Variants in FAM20A observed in about 807,000 individuals in gnomAD.
FAM20A encodes the protein FAM20A golgi associated secretory pathway pseudokinase.
A neutral mutation model predicts 52.0 loss-of-function variants in FAM20A; 42 were observed. That is an observed-to-expected ratio of 0.81 (90% CI 0.63 to 1.04). The LOEUF is 1.04. Ranked by LOEUF, FAM20A falls within the 50% of genes least tolerant of loss-of-function variation. The probability of loss-of-function intolerance (pLI) is 0.00; values close to 1 mark genes in which losing one functional copy is unlikely to be tolerated. For synonymous variants in FAM20A, 304 were observed against 298.9 expected (o/e 1.02, Z -0.18); for missense variants, 742 against 712.7 (o/e 1.04, Z -0.47).
rs758174098 is a variant in FAM20A, at chr17:68,600,692, G to T, written c.-26C>A. The T allele has an allele frequency of 9.2e-6, 14 of 1,529,030 alleles. No homozygotes were observed. The highest frequency in any genetic ancestry group is 2.5e-5 in the East Asian group (1 of 40,608). The allele number at this position is 1,529,030 out of a possible 1,614,324, so 94.7% of individuals were successfully genotyped here. On this transcript the variant is annotated 5_prime_UTR_variant, in exon 1 of 11. Transcript: ENST00000592554. This position sits in a 1 kb window ranked among gnomAD's most constrained non-coding sequence, Gnocchi z 6.2. Reference sequence around the variant, plus strand: ...GGCGTGCTGGCCAAGGGGGACGCCGGGGGCAGGCCGGCTGTCTCCGGGGTC... The same window carrying T: ...GGCGTGCTGGCCAAGGGGGACGCCGTGGGCAGGCCGGCTGTCTCCGGGGTC...
chr17:68,559,662 G>T (rs541330739), intron 1 of FAM20A, among the ~76,000 whole-genome samples: 11 of 152,162 alleles, frequency 7.2e-5, no homozygotes, highest in Non-Finnish European at 1.6e-4. Flanking sequence ...AGTAGCAAAT[G>T]CATTTACATG....
chr17:68,537,241 A>ATG lies in FAM20A; in HGVS notation c.*234_*235dup. The ATG allele has an allele frequency of 1.5e-6, 1 of 676,472 alleles. No homozygotes were observed. The highest frequency in any genetic ancestry group is 2.7e-6 in the Non-Finnish European group (1 of 373,040). The allele number at this position is 676,472 out of a possible 1,614,324, so 41.9% of individuals were successfully genotyped here. A position where few individuals can be genotyped will look rare whatever the true frequency, so the allele number is the denominator to read the frequency against. ...ACTCAGGAGATCGTCGGTGGCCTTG[A>ATG]TGAAGCCAGTGCTTTTTGGGAAAAA... is the stretch of plus-strand genomic sequence containing the variant. On this transcript the variant is annotated 3_prime_UTR_variant, in exon 11 of 11. Coordinates refer to ENST00000592554, the MANE Select transcript of FAM20A (RefSeq NM_017565.4). This position sits in a 1 kb window ranked among gnomAD's most constrained non-coding sequence, Gnocchi z 4.2.
chr17:68,600,721 G>C lies in FAM20A; in HGVS notation c.-55C>G, dbSNP rs2088602167. ...CAGGCCGGCTGTCTCCGGGGTCCCG[G>C]GAGGGGTCGCGGGGTGCGGGCAGAA... On this transcript the variant is annotated 5_prime_UTR_variant, in exon 1 of 11. Coordinates refer to ENST00000592554, the MANE Select transcript of FAM20A (RefSeq NM_017565.4). The surrounding 1 kb of genome is among the most constrained non-coding windows in gnomAD (Gnocchi z 6.2). 3 of 1,515,036 alleles carry C rather than the reference G, an allele frequency of 2.0e-6. No individual in the cohort carries two copies. The highest frequency in any genetic ancestry group is 2.6e-6 in the Non-Finnish European group (3 of 1,137,440). The allele number at this position is 1,515,036 out of a possible 1,614,324, so 93.8% of individuals were successfully genotyped here. A position where few individuals can be genotyped will look rare whatever the true frequency, so the allele number is the denominator to read the frequency against.
chr17:68,552,530 C>T (rs981687793), intron 3 of FAM20A, among the ~76,000 whole-genome samples: 16 of 152,246 alleles, frequency 1.1e-4, no homozygotes, highest in African/African-American at 3.6e-4. Flanking sequence ...ATCCTGGGCA[C>T]CTCACTTCTC....
chr17:68,540,924 T>C lies in FAM20A; in HGVS notation c.1144A>G (p.Lys382Glu). The C allele has an allele frequency of 6.2e-7, 1 of 1,600,680 alleles. No individual in the cohort carries two copies. The highest frequency in any genetic ancestry group is 8.5e-7 in the Non-Finnish European group (1 of 1,173,168). The part of the protein sequence containing the change: ...EVNPLYCDTV[K>E]QIYPYNNSQR... ...CTGTTGTTGTACGGGTAGATCTGTT[T>C]CACTGTGTCACAGTAAAGGGGATTG... is the stretch of plus-strand genomic sequence containing the variant. Residue 382 changes from lysine (K) to glutamate (E), a missense_variant, in exon 8 of 11, where the codon AAA (lysine) becomes GAA (glutamate). Lys to Glu is a moderately conservative substitution (Grantham distance 56). Transcript: ENST00000592554.
chr17:68,567,420 A>G (rs1260812930), intron 1 of FAM20A, among the ~76,000 whole-genome samples: 1 of 151,788 alleles, frequency 6.6e-6, no homozygotes, highest in African/African-American at 2.4e-5. Context: ...TTGTCTCTCT[A>G]AGCCTGGGCC....
intron 1 of FAM20A, among the ~76,000 whole-genome samples, chr17:68,556,814 A>C (rs1399450955): frequency 6.6e-6 from 1 of 152,138 alleles, no homozygotes; most frequent in Non-Finnish European, 1.5e-5. Context: ...TTATAGGGGC[A>C]GGGTTTTGCA....
chr17:68,563,183 C>T (rs1229752381), intron 1 of FAM20A, among the ~76,000 whole-genome samples: 1 of 151,918 alleles, frequency 6.6e-6, no homozygotes, highest in Non-Finnish European at 1.5e-5. Context: ...ATCAGGAGTT[C>T]AAGACCAGCC....
chr17:68,585,366 G>A (rs1034844477), intron 1 of FAM20A, among the ~76,000 whole-genome samples: 3 of 151,098 alleles, frequency 2.0e-5, no homozygotes, highest in African/African-American at 4.9e-5. Flanking sequence ...CCACACTTCC[G>A]AGTCTTCATT....
In FAM20A at chr17:68,539,934, T is replaced by G. The variant is rs528037799; in HGVS notation, c.1252A>C (p.Thr418Pro). 1 of 1,614,166 alleles carries G rather than the reference T, an allele frequency of 6.2e-7. No homozygotes were observed. The highest frequency in any genetic ancestry group is 1.7e-5 in the Admixed American group (1 of 60,022). The change falls in exon 9 of 11, where the codon ACC becomes CCC. Residue 418 changes from threonine to proline, a missense_variant. Thr to Pro is a conservative substitution (Grantham distance 38). Coordinates refer to ENST00000592554, the MANE Select transcript of FAM20A (RefSeq NM_017565.4). The stretch of plus-strand genomic sequence containing the variant: ...AGGAACCCATCATCCCCGAACTTGG[T>G]GAACATCTCATAATGGTGCCGGTCC... The part of the protein sequence containing the change: ...NMDRHHYEMF[T>P]KFGDDGFLIH...
In FAM20A at chr17:68,535,907, C is replaced by A. The variant is rs1291369449; in HGVS notation, c.*1570G>T. 2.2e-6 allele frequency: 1 copy of A among 453,954 alleles called. No individual in the cohort carries two copies. The highest frequency in any genetic ancestry group is 2.0e-5 in the African/African-American group (1 of 50,052). 28.1% of individuals were successfully genotyped at this position (453,954 alleles called of 1,614,324 possible). On this transcript the variant is annotated 3_prime_UTR_variant, in exon 11 of 11. Transcript: ENST00000592554. ...AGAAGACTTTGGAATAGGTCTAAAC[C>A]ACTAAATTGTGTGATTTTGCTTACT...
chr17:68,581,686 T>C (rs903275318), intron 1 of FAM20A, among the ~76,000 whole-genome samples: 7 of 151,294 alleles, frequency 4.6e-5, no homozygotes, highest in African/African-American at 1.7e-4. Flanking sequence ...AGCGATTGTC[T>C]TGCCTCAGCC....
intron 3 of FAM20A, among the ~76,000 whole-genome samples, chr17:68,552,599 A>C (rs1600570160): frequency 2.0e-5 from 3 of 151,836 alleles, no homozygotes; most frequent in Admixed American, 2.0e-4. Context: ...TGTGTTCTAT[A>C]AAATGGTCAA....
chr17:68,549,467 C>G (rs1206687621), intron 4 of FAM20A, among the ~76,000 whole-genome samples: 1 of 149,406 alleles, frequency 6.7e-6, no homozygotes, highest in Non-Finnish European at 1.5e-5. Flanking sequence ...GCACTCCAGC[C>G]TGGGCAACAA....
At chr17:68,548,725 ATTTT>A (rs753348891) in intron 4 of FAM20A, among the ~76,000 whole-genome samples, 1 of 79,158 alleles carries the variant, frequency 1.3e-5, no homozygotes, top group African/African-American at 5.5e-5. Flanking sequence ...ATGCCTGTAT[ATTTT>A]TTTTTTTTTT....
Position 68,582,780 on chromosome 17 carries a change from A to ATTTT in FAM20A, c.404+17479_404+17482dup, listed in dbSNP as rs34025800. Among the ~76,000 whole-genome samples, 260 of 79,830 alleles carry ATTTT rather than the reference A, an allele frequency of 3.3e-3. 28 individuals carry two copies. Among genetic ancestry groups the ATTTT allele is most frequent in the Non-Finnish European group, 4.5e-3 (206 of 45,614 alleles). The allele number at this position is 79,830 out of a possible 152,430, so 52.4% of individuals were successfully genotyped here. A position where few individuals can be genotyped will look rare whatever the true frequency, so the allele number is the denominator to read the frequency against. On this transcript the variant is annotated intron_variant, in intron 1 of 10. Coordinates refer to ENST00000592554, the MANE Select transcript of FAM20A (RefSeq NM_017565.4). ...CGCTTATGTGGAAGAGCCAGGATTA[A>ATTTT]TTTTTTTTTTTTTTTTTTTTTTTTT...
At chr17:68,553,423 A>T (rs2086934335) in intron 3 of FAM20A, among the ~76,000 whole-genome samples, 1 of 152,230 alleles carries the variant, frequency 6.6e-6, no homozygotes, top group Non-Finnish European at 1.5e-5. Flanking sequence ...CATCAGATGT[A>T]GTCACATGTA....
intron 1 of FAM20A, among the ~76,000 whole-genome samples, chr17:68,575,463 T>C (rs1454093473): frequency 8.3e-6 from 1 of 120,900 alleles, no homozygotes; most frequent in Non-Finnish European, 1.6e-5. Context: ...TTATATATTA[T>C]ATATAATATA....
At chr17:68,563,501 A>G (rs1308673775) in intron 1 of FAM20A, among the ~76,000 whole-genome samples, 2 of 151,772 alleles carry the variant, frequency 1.3e-5, no homozygotes, top group Non-Finnish European at 2.9e-5. Context: ...CCCTGGAAGG[A>G]CAGAATCTCG....
Sources: gnomAD v4.1 joint callset for allele counts (sites outside exome capture counted in the v4.1 genomes callset) on GRCh38, gnomAD v4.1.1 for gene constraint, Gnocchi (gnomAD v3.1) non-coding constraint, MANE v1.5 for transcripts, NCBI Gene and HGNC (gene_info 2026-07-23, HGNC 2026-07-21) for gene names.